The following FKTN variants were observed in gnomAD, a reference collection of about 807,000 sequenced individuals.
FKTN encodes the protein ribitol-5-phosphate transferase FKTN.
Under a neutral mutation model 58.6 loss-of-function variants are expected in FKTN, and 47 were observed. The observed-to-expected ratio is 0.80, with a 90% confidence interval of 0.63 to 1.02. The LOEUF (loss-of-function observed/expected upper bound fraction) is 1.02. FKTN is among the 50% of genes least tolerant of loss of function. The pLI is 0.00. For synonymous variants in FKTN, 178 were observed against 191.9 expected (o/e 0.93, Z 0.60); for missense variants, 516 against 537.3 (o/e 0.96, Z 0.39).
Position 105,639,268 on chromosome 9 carries a change from A to G in FKTN, c.*4004A>G. On this transcript the variant is annotated 3_prime_UTR_variant, in exon 11 of 11. Transcript: ENST00000357998. ...TCTTTCCTCCTTGTCTTCCACTATC[A>G]TTAAGACCTGGGCTAGATCACCTCT... 2 of 985,406 alleles carry G rather than the reference A, an allele frequency of 2.0e-6. No homozygotes were observed. Among genetic ancestry groups the G allele is most frequent in the Non-Finnish European group, 2.4e-6 (2 of 829,912 alleles). The allele number at this position is 985,406 out of a possible 1,614,324, so 61.0% of individuals were successfully genotyped here.
Position 105,617,997 on chromosome 9 carries a change from G to T in FKTN, c.949G>T (p.Asp317Tyr). 1 of 1,590,702 alleles carries T rather than the reference G, an allele frequency of 6.3e-7. No individual in the cohort carries two copies. Among genetic ancestry groups the T allele is most frequent in the Non-Finnish European group, 8.6e-7 (1 of 1,158,736 alleles). Residue 317 changes from aspartate (D) to tyrosine (Y), a missense_variant, in exon 9 of 11, where the codon GAT becomes TAT. Asp to Tyr is a radical substitution (Grantham distance 160). Coordinates refer to ENST00000357998, the MANE Select transcript of FKTN (RefSeq NM_001079802.2). ...ATGCAACATTATTCCTTATAGCAAAGATGTTGACCTAGGAATTTTTATACA... is the reference window on the plus strand; with the variant it reads ...ATGCAACATTATTCCTTATAGCAAATATGTTGACCTAGGAATTTTTATACA... ...RQCNIIPYSKDVDLGIFIQDY... is the reference protein window; with the variant it reads ...RQCNIIPYSKYVDLGIFIQDY...
chr9:105,592,246 A>C (rs562782310), intron 3 of FKTN, among the ~76,000 whole-genome samples: 1 of 152,266 alleles, frequency 6.6e-6, no homozygotes, highest in South Asian at 2.1e-4. Context: ...CTGCTTCCCT[A>C]TTAAATATGT....
At chr9:105,575,566 C>G (rs1232596075) in intron 3 of FKTN, among the ~76,000 whole-genome samples, 1 of 151,980 alleles carries the variant, frequency 6.6e-6, no homozygotes, top group Non-Finnish European at 1.5e-5. Context: ...ATGTGGAAAT[C>G]AATAGCTTCT....
chr9:105,614,998 C>T (rs1260264136), intron 7 of FKTN, among the ~76,000 whole-genome samples: 1 of 151,608 alleles, frequency 6.6e-6, no homozygotes, highest in Non-Finnish European at 1.5e-5. Context: ...ATTCTCTTGC[C>T]TCAACCTCTC....
chr9:105,591,946 C>T (rs1468667850), intron 3 of FKTN, among the ~76,000 whole-genome samples: 1 of 152,206 alleles, frequency 6.6e-6, no homozygotes, highest in Non-Finnish European at 1.5e-5. Context: ...ATACCTGTGC[C>T]CCCTTGAGCC....
intron 3 of FKTN, among the ~76,000 whole-genome samples, chr9:105,581,966 A>G (rs542011906): frequency 2.6e-5 from 4 of 152,174 alleles, no homozygotes; most frequent in Non-Finnish European, 5.9e-5. Flanking sequence ...TGACTCAGAA[A>G]GGGAACTCCC....
chr9:105,598,831 G>T (rs1236210300), intron 4 of FKTN: 1 of 151,968 alleles, frequency 6.6e-6, no homozygotes, highest in Non-Finnish European at 1.5e-5. Context: ...AAACATTAAA[G>T]TACCTTTTAT....
chr9:105,604,955 CAA>C (rs1340355164), intron 6 of FKTN, among the ~76,000 whole-genome samples: 4 of 109,840 alleles, frequency 3.6e-5, no homozygotes, highest in Non-Finnish European at 3.8e-5. Context: ...GACTTTGTCT[CAA>C]AAAAAAAAAA....
rs182925533 is a variant in FKTN at position 105,578,995 on chromosome 9, T to G, written c.105+3858T>G. ...TCTCTGATGGTAGTTTGTATTTCAGTGGGATCGGTGGTGATATCCCCTTTA... is the reference window on the plus strand; with the variant it reads ...TCTCTGATGGTAGTTTGTATTTCAGGGGGATCGGTGGTGATATCCCCTTTA... On this transcript the variant is annotated intron_variant, in intron 3 of 10. Transcript: ENST00000357998. Among the ~76,000 whole-genome samples, 52 of 151,920 alleles carry G rather than the reference T, an allele frequency of 3.4e-4. 1 individual carries two copies. In the East Asian group the frequency reaches 9.8e-3, roughly 29 times the overall value.
intron 3 of FKTN, among the ~76,000 whole-genome samples, chr9:105,583,082 T>C (rs867774113): frequency 2.0e-5 from 3 of 152,222 alleles, no homozygotes; most frequent in African/African-American, 7.2e-5. Context: ...AAGGTTTTAC[T>C]ATTGTTATTT....
intron 1 of FKTN, among the ~76,000 whole-genome samples, chr9:105,560,377 T>A: frequency 6.6e-6 from 1 of 152,232 alleles, no homozygotes; most frequent in Admixed American, 6.5e-5. Flanking sequence ...GTGATACTGA[T>A]GTTCTTAGGA....
rs972619151 is a variant in FKTN, at chr9:105,591,935, T to C, written c.106-4663T>C. On this transcript the variant is annotated intron_variant, in intron 3 of 10. Transcript: ENST00000357998. ...TTGCACCCTCTGAAGCAGCCTCAGC[T>C]ATACCTGTGCCCCCTTGAGCCATGG... Among the ~76,000 whole-genome samples, 3 of 152,228 alleles carry C rather than the reference T, an allele frequency of 2.0e-5. 1 individual carries two copies. In the South Asian group the frequency reaches 6.2e-4, roughly 32 times the overall value.
chr9:105,615,418 T>G lies in FKTN; in HGVS notation c.910+11T>G. 1 of 1,613,794 alleles carries G rather than the reference T, an allele frequency of 6.2e-7. No individual in the cohort carries two copies. Among genetic ancestry groups the G allele is most frequent in the Non-Finnish European group, 8.5e-7 (1 of 1,179,676 alleles). On this transcript the variant is annotated intron_variant, in intron 8 of 10. Coordinates refer to ENST00000357998, the MANE Select transcript of FKTN (RefSeq NM_001079802.2). ...GTGGAACTTGTCTAGGTAAAATTCT[T>G]ACGACTTTCCATTTGTCTTTCTGTC...
chr9:105,610,461 A>C (rs1829712453), intron 7 of FKTN, among the ~76,000 whole-genome samples: 1 of 152,066 alleles, frequency 6.6e-6, no homozygotes, highest in Non-Finnish European at 1.5e-5. Flanking sequence ...AATCGTGAGA[A>C]ATCTGACTCC....
chr9:105,602,209 T>C (rs1390415821), intron 5 of FKTN, among the ~76,000 whole-genome samples: 1 of 152,268 alleles, frequency 6.6e-6, no homozygotes, highest in African/African-American at 2.4e-5. Context: ...AACAAGTTTT[T>C]CACTATGTGA....
chr9:105,614,305 A>T (rs1765865547), intron 7 of FKTN, among the ~76,000 whole-genome samples: 1 of 152,214 alleles, frequency 6.6e-6, no homozygotes, highest in African/African-American at 2.4e-5. Context: ...TCTTCACAGC[A>T]GTCCTGTGAA....
At chr9:105,622,507 C>CAT (rs1402025972) in intron 10 of FKTN, among the ~76,000 whole-genome samples, 2 of 151,710 alleles carry the variant, frequency 1.3e-5, no homozygotes, top group South Asian at 2.1e-4. Flanking sequence ...ATAGGTAGTT[C>CAT]ATATATATAT....
Position 105,639,485 on chromosome 9 carries a change from A to G in FKTN, c.*4221A>G, listed in dbSNP as rs953093808. On this transcript the variant is annotated 3_prime_UTR_variant, in exon 11 of 11. Coordinates refer to ENST00000357998, the MANE Select transcript of FKTN (RefSeq NM_001079802.2). ...TTTTTAGGGGGATTAAATGAAGTATACAGTTCTTAGCCTCAGGCCTAGGAT... is the reference window on the plus strand; with the variant it reads ...TTTTTAGGGGGATTAAATGAAGTATGCAGTTCTTAGCCTCAGGCCTAGGAT... The G allele has an allele frequency of 1.4e-6, 1 of 697,032 alleles. No individual in the cohort carries two copies. Among genetic ancestry groups the G allele is most frequent in the South Asian group, 6.5e-5 (1 of 15,436 alleles). 43.2% of individuals were successfully genotyped at this position (697,032 alleles called of 1,614,324 possible). A position where few individuals can be genotyped will look rare whatever the true frequency, so the allele number is the denominator to read the frequency against.
chr9:105,635,060 T>G lies in FKTN; in HGVS notation c.1182T>G (p.Phe394Leu), dbSNP rs757023910. 1 of 1,614,116 alleles carries G rather than the reference T, an allele frequency of 6.2e-7. No individual in the cohort carries two copies. The highest frequency in any genetic ancestry group is 2.2e-5 in the East Asian group (1 of 44,886). The part of the protein sequence containing the change: ...AKTGKKFKYL[F>L]PKFTLCWTEF... ...CTCTGTTTTGCTGCAGATACCTGTT[T>G]CCGAAGTTTACACTGTGCTGGACTG... Residue 394 changes from phenylalanine (F) to leucine (L), a missense_variant, in exon 11 of 11, where the codon TTT (phenylalanine) becomes TTG (leucine). Transcript: ENST00000357998.
Sources: gnomAD v4.1 joint callset for allele counts (sites outside exome capture counted in the v4.1 genomes callset) on GRCh38, gnomAD v4.1.1 for gene constraint, MANE v1.5 for transcripts, NCBI Gene and HGNC (gene_info 2026-07-23, HGNC 2026-07-21) for gene names.